USP37: variants seen among roughly 807,000 people sequenced by gnomAD.
USP37 encodes ubiquitin carboxyl-terminal hydrolase 37.
USP37 carries 27 observed loss-of-function variants against 124.0 expected under a neutral mutation model. That is an observed-to-expected ratio of 0.22 (90% confidence interval 0.16 to 0.30). The LOEUF is 0.30. Among genes scored for constraint, USP37 ranks in the 10% least tolerant of loss-of-function variants. USP37 has a pLI of 1.00. For synonymous variants in USP37, 365 were observed against 388.0 expected (o/e 0.94, Z 0.70); for missense variants, 889 against 1,140.4 (o/e 0.78, Z 3.17).
At position 218,553,540 on chromosome 2, in the gene USP37, GA is replaced by G; in HGVS notation, c.328+12del. The G allele has an allele frequency of 1.9e-6, 3 of 1,606,922 alleles. No homozygotes were observed. Among genetic ancestry groups the G allele is most frequent in the Non-Finnish European group, 2.6e-6 (3 of 1,175,980 alleles). On this transcript the variant is annotated intron_variant, in intron 5 of 25. Coordinates refer to ENST00000258399, the MANE Select transcript of USP37 (RefSeq NM_020935.3). The stretch of plus-strand genomic sequence containing the variant: ...AAATACTAACGTTAGACCCTGGGGT[GA>G]TTAGTACTCACCTGCAGGAAGTCTG...
At chr2:218,549,763 C>T (rs751109751) in intron 6 of USP37, 46 bp downstream of exon 6, 9 of 1,576,700 alleles carry the variant, frequency 5.7e-6, no homozygotes, top group Non-Finnish European at 1.7e-6. Context: ...TGTGCCTGGC[C>T]AACTATCATT....
rs1691061694 is a variant in USP37 at position 218,527,712 on chromosome 2, T to A, written c.863+2244A>T. On this transcript the variant is annotated intron_variant, in intron 10 of 25. Coordinates refer to ENST00000258399, the MANE Select transcript of USP37 (RefSeq NM_020935.3). ...GCTTTTTTAAAACTTAGATTTAAGA[T>A]TCTTCTAATAAGCAGAAATATGTCA... is the stretch of plus-strand genomic sequence containing the variant. Among the ~76,000 whole-genome samples, 10 of 152,218 alleles carry A rather than the reference T, an allele frequency of 6.6e-5. No homozygotes were observed. In the South Asian group the frequency reaches 2.1e-3, roughly 31 times the overall value.
chr2:218,461,262 C>T (rs935009006), intron 22 of USP37, among the ~76,000 whole-genome samples: 4 of 152,090 alleles, frequency 2.6e-5, no homozygotes, highest in Non-Finnish European at 4.4e-5. Flanking sequence ...AATCCCAGCA[C>T]TTTGGGAGGC....
rs768875889 is a variant in USP37 at position 218,558,386 on chromosome 2, C to G, written c.156+112G>C. The G allele has an allele frequency of 3.1e-6, 3 of 955,564 alleles. No individual in the cohort carries two copies. The Admixed American group carries it at 8.3e-5, about 26-fold the overall frequency. 59.2% of individuals were successfully genotyped at this position (955,564 alleles called of 1,614,324 possible). A position where few individuals can be genotyped will look rare whatever the true frequency, so the allele number is the denominator to read the frequency against. On this transcript the variant is annotated intron_variant, in intron 4 of 25. Transcript: ENST00000258399. ...ATATTAATGTCCTAGAAATAAGAAGCAAGAAATATTAATCTAGGAGGAGGG... is the reference window on the plus strand; with the variant it reads ...ATATTAATGTCCTAGAAATAAGAAGGAAGAAATATTAATCTAGGAGGAGGG...
Position 218,502,736 on chromosome 2 carries a change from C to T in USP37, c.1026-4579G>A, listed in dbSNP as rs1689453539. On this transcript the variant is annotated intron_variant, in intron 11 of 25. Coordinates refer to ENST00000258399, the MANE Select transcript of USP37 (RefSeq NM_020935.3). ...CACTTACAAGGGCAGAAGAATTAGA[C>T]TGGCATCTTATTTCTGAAAAGCAAA... 2.0e-5 allele frequency among the ~76,000 whole-genome samples: 3 copies of T among 152,138 alleles called. No homozygotes were observed. The South Asian group carries it at 6.2e-4, about 31-fold the overall frequency.
intron 16 of USP37, among the ~76,000 whole-genome samples, chr2:218,484,202 C>T (rs1691421301): frequency 1.3e-5 from 2 of 152,112 alleles, no homozygotes; most frequent in Admixed American, 1.3e-4. Flanking sequence ...ATGGGGGTCT[C>T]ACCATGTTGC....
chr2:218,564,884 C>A (rs908496945), intron 1 of USP37, among the ~76,000 whole-genome samples: 2 of 152,112 alleles, frequency 1.3e-5, no homozygotes, highest in South Asian at 2.1e-4. Flanking sequence ...CAACACGAAT[C>A]CTGTTCTACA....
At chr2:218,515,628 T>G (rs577346058) in intron 10 of USP37, among the ~76,000 whole-genome samples, 3 of 152,174 alleles carry the variant, frequency 2.0e-5, no homozygotes, top group Admixed American at 2.0e-4. Context: ...ATTCAGGACA[T>G]AGGCATGAGC....
chr2:218,479,884 C>T (rs1316722222), intron 17 of USP37, among the ~76,000 whole-genome samples, 169 bp from the exon 18 acceptor site: 1 of 151,986 alleles, frequency 6.6e-6, no homozygotes, highest in Non-Finnish European at 1.5e-5. Flanking sequence ...CAGTGGTTCA[C>T]GCCTGTAATC....
intron 20 of USP37, among the ~76,000 whole-genome samples, chr2:218,467,293 C>T (rs1326573205): frequency 3.3e-5 from 5 of 150,452 alleles, no homozygotes; most frequent in African/African-American, 1.2e-4. Context: ...TACAGGCGCC[C>T]GCCACCATGC....
intron 10 of USP37, among the ~76,000 whole-genome samples, chr2:218,529,275 A>G (rs931439236): frequency 6.6e-6 from 1 of 152,172 alleles, no homozygotes; most frequent in Non-Finnish European, 1.5e-5. Flanking sequence ...GGAGGCCAAG[A>G]AAGGCAGATC....
Position 218,534,701 on chromosome 2 carries a change from T to C in USP37, c.686A>G (p.Asn229Ser), listed in dbSNP as rs1691523637. The C allele has an allele frequency of 1.3e-6, 2 of 1,596,980 alleles. No individual in the cohort carries two copies. The highest frequency in any genetic ancestry group is 1.1e-5 in the South Asian group (1 of 88,200). ...YPKENDSSSN[N>S]KAMTDPSRKY... is the part of the protein sequence containing the mutation. ...TCTGGAGGGATCTGTCATGGCCTTGTTGTTCCTATAGTTAATAATTTTACA... is the reference window on the plus strand; with the variant it reads ...TCTGGAGGGATCTGTCATGGCCTTGCTGTTCCTATAGTTAATAATTTTACA... The change falls in exon 9 of 26, where the codon AAC becomes AGC. Residue 229 changes from asparagine to serine, a missense_variant. Physicochemically the swap from Asn to Ser is conservative, Grantham distance 46 (BLOSUM62 1). Around this residue, in one of 3 missense-constraint regions of USP37, gnomAD observed 374 missense variants for 386.0 expected, o/e 0.97. Transcript: ENST00000258399.
chr2:218,481,323 T>A (rs1032264993), intron 17 of USP37, among the ~76,000 whole-genome samples: 1 of 152,188 alleles, frequency 6.6e-6, no homozygotes, highest in African/African-American at 2.4e-5. Context: ...GTTTCTCACA[T>A]CTGCATGTCC....
At chr2:218,505,092 G>A (rs967828539) in intron 11 of USP37, among the ~76,000 whole-genome samples, 3 of 152,068 alleles carry the variant, frequency 2.0e-5, no homozygotes, top group East Asian at 1.9e-4. Flanking sequence ...ACGGTTCACC[G>A]TGGCCTCGAC....
intron 8 of USP37, among the ~76,000 whole-genome samples, chr2:218,536,190 C>A (rs1452007155): frequency 2.0e-5 from 3 of 152,042 alleles, no homozygotes; most frequent in Non-Finnish European, 4.4e-5. Context: ...GCCCTTTTCT[C>A]CCCTGTATTA....
intron 10 of USP37, among the ~76,000 whole-genome samples, chr2:218,511,932 A>C (rs2106004864): frequency 6.6e-6 from 1 of 151,196 alleles, no homozygotes; most frequent in East Asian, 1.9e-4. Context: ...TTTCCCTTCT[A>C]TTTAGGTCTT....
chr2:218,517,097 CA>C (rs772081198), intron 10 of USP37, among the ~76,000 whole-genome samples: 5 of 152,152 alleles, frequency 3.3e-5, no homozygotes, highest in Non-Finnish European at 5.9e-5. Flanking sequence ...AACTAGAGTA[CA>C]ATATTTGTGT....
intron 10 of USP37, among the ~76,000 whole-genome samples, chr2:218,516,145 T>C (rs1248267738): frequency 6.6e-6 from 1 of 152,200 alleles, no homozygotes; most frequent in Non-Finnish European, 1.5e-5. Context: ...CTCAAGGATC[T>C]AGAACCAGAA....
At position 218,464,003 on chromosome 2, in the gene USP37, G is replaced by A. The variant is rs374431022; in HGVS notation, c.2467-637C>T. Among the ~76,000 whole-genome samples, 13 of 150,678 alleles carry A rather than the reference G, an allele frequency of 8.6e-5. No individual in the cohort carries two copies. The East Asian group carries it at 1.8e-3, about 20-fold the overall frequency. On this transcript the variant is annotated intron_variant, in intron 21 of 25. Coordinates refer to ENST00000258399, the MANE Select transcript of USP37 (RefSeq NM_020935.3). ...CCCGGGTGGCTGGGACTACAGGTGC[G>A]TGCCACCACACCCAGTTAATTTTTT...
Sources: gnomAD v4.1 joint callset for allele counts (sites outside exome capture counted in the v4.1 genomes callset) on GRCh38, gnomAD v4.1.1 for gene constraint, gnomAD v4.1.1 regional missense constraint, MANE v1.5 for transcripts, NCBI Gene and HGNC (gene_info 2026-07-23, HGNC 2026-07-21) for gene names.